Variants in PREX1 observed in about 807,000 individuals in gnomAD.
PREX1 encodes phosphatidylinositol 3,4,5-trisphosphate-dependent Rac exchanger 1 protein.
In PREX1, 41 loss-of-function variants were observed where a neutral mutation model predicts 198.3. The ratio of observed to expected loss-of-function variants is 0.21; its 90% CI spans 0.16 to 0.27. The LOEUF (loss-of-function observed/expected upper bound fraction) is 0.27, where lower values mean the gene tolerates loss of function less well. Ranked by LOEUF, PREX1 falls within the 10% of genes least tolerant of loss-of-function variation. The pLI is 1.00. For synonymous variants in PREX1, 843 were observed against 887.2 expected (o/e 0.95, Z 0.89); for missense variants, 1,620 against 2,200.7 (o/e 0.74, Z 5.28).
At chr20:48,744,596 C>T (rs2090099253) in intron 3 of PREX1, among the ~76,000 whole-genome samples, 1 of 152,200 alleles carries the variant, frequency 6.6e-6, no homozygotes, top group Admixed American at 6.5e-5. Context: ...ACCAACAGCC[C>T]AACGGGGCAC....
At chr20:48,688,581 G>A (rs771885037) in intron 10 of PREX1, 76 bp downstream of exon 10, 32 of 1,582,702 alleles carry the variant, frequency 2.0e-5, no homozygotes, top group Non-Finnish European at 2.7e-5. Flanking sequence ...CAGGCTGCAT[G>A]GGTGGATGGG....
chr20:48,846,796 G>A, the PREX1 span, among the ~76,000 whole-genome samples: 26,830 of 152,088 alleles, frequency 0.18, 2,469 homozygotes, highest in Admixed American at 0.19. Flanking sequence ...GGACCAGAGG[G>A]CCAGGAGAGA....
chr20:48,784,918 CTTT>C (rs11484382), intron 1 of PREX1, among the ~76,000 whole-genome samples: 1 of 147,082 alleles, frequency 6.8e-6, no homozygotes. Context: ...TTCTTTCTCT[CTTT>C]TTTTTTTTTG....
the PREX1 span, among the ~76,000 whole-genome samples, chr20:48,862,387 C>T: frequency 1.3e-5 from 2 of 152,102 alleles, no homozygotes; most frequent in Non-Finnish European, 2.9e-5. Flanking sequence ...TTACTGTGTG[C>T]CATGCCTTCT....
intron 5 of PREX1, among the ~76,000 whole-genome samples, chr20:48,718,476 G>A (rs556274605): frequency 7.9e-5 from 12 of 152,048 alleles, no homozygotes; most frequent in African/African-American, 1.2e-4. Flanking sequence ...ACGGAAAGAC[G>A]CAAAAGCATC....
In PREX1 at chr20:48,627,612, G is replaced by A; in HGVS notation, c.4873C>T (p.Pro1625Ser). 6.2e-7 allele frequency: 1 copy of A among 1,613,596 alleles called. No individual in the cohort carries two copies. The highest frequency in any genetic ancestry group is 8.5e-7 in the Non-Finnish European group (1 of 1,179,838). Residue 1625 changes from proline to serine, a missense_variant, in exon 39 of 40, where the codon CCA (proline) becomes TCA (serine). This residue lies in a region of PREX1 where 476 missense variants were observed against 603.4 expected (regional missense o/e 0.79). Coordinates refer to ENST00000371941, the MANE Select transcript of PREX1 (RefSeq NM_020820.4). ...QATDIMRKQG[P>S]RVEILAKNLR... Reference sequence around the variant, plus strand: ...TTTTTGGCCAGAATCTCCACCCTTGGGCCCTGGAAGAAGGAACCATCAGGC... The same window carrying A: ...TTTTTGGCCAGAATCTCCACCCTTGAGCCCTGGAAGAAGGAACCATCAGGC...
chr20:48,669,362 C>T (rs2089660419), intron 14 of PREX1, among the ~76,000 whole-genome samples: 1 of 152,224 alleles, frequency 6.6e-6, no homozygotes, highest in South Asian at 2.1e-4. Context: ...CACACACACT[C>T]AGTACCCTGC....
intron 33 of PREX1, among the ~76,000 whole-genome samples, chr20:48,633,279 G>C (rs1313760245): frequency 6.6e-6 from 1 of 152,216 alleles, no homozygotes; most frequent in Non-Finnish European, 1.5e-5. Context: ...TTCAGCAGGA[G>C]AGACACTGTC....
At chr20:48,649,652 AC>A in intron 24 of PREX1, 76 bp from the exon 25 acceptor site, 1 of 1,450,896 alleles carries the variant, frequency 6.9e-7, no homozygotes, top group East Asian at 2.5e-5. Context: ...AACAATACAA[AC>A]CCATTTCAAG....
the PREX1 span, among the ~76,000 whole-genome samples, chr20:48,837,482 T>C: frequency 1.3e-5 from 2 of 152,194 alleles, no homozygotes; most frequent in Non-Finnish European, 2.9e-5. Flanking sequence ...ATGAATACCA[T>C]GAAGCCATAA....
intron 1 of PREX1, among the ~76,000 whole-genome samples, chr20:48,766,385 C>T (rs919998182): frequency 6.6e-6 from 1 of 152,192 alleles, no homozygotes; most frequent in Non-Finnish European, 1.5e-5. Flanking sequence ...CACTGCCCTG[C>T]CCAGCCCATC....
intron 1 of PREX1, among the ~76,000 whole-genome samples, chr20:48,757,129 C>T (rs542031728): frequency 3.9e-5 from 6 of 152,250 alleles, no homozygotes; most frequent in Non-Finnish European, 5.9e-5. Context: ...ATATCAATTC[C>T]CCTCTAGAAT....
At chr20:48,628,648 A>C (rs2089290976) in intron 37 of PREX1, among the ~76,000 whole-genome samples, 1 of 152,180 alleles carries the variant, frequency 6.6e-6, no homozygotes, top group Non-Finnish European at 1.5e-5. Flanking sequence ...AGACATTGCC[A>C]AATGTTCCCC....
At chr20:48,864,176 T>G in the PREX1 span, among the ~76,000 whole-genome samples, 1 of 152,212 alleles carries the variant, frequency 6.6e-6, no homozygotes, top group Non-Finnish European at 1.5e-5. Flanking sequence ...TTTCGATCTT[T>G]CATTTCACAA....
At chr20:48,878,047 T>G in the PREX1 span, among the ~76,000 whole-genome samples, 1 of 152,142 alleles carries the variant, frequency 6.6e-6, no homozygotes, top group Non-Finnish European at 1.5e-5. Context: ...AAGCGGAGGT[T>G]GCAGTGAGCT....
rs879683850 is a variant in PREX1 at position 48,666,509 on chromosome 20, T to C, written c.1666-154A>G. Among the ~76,000 whole-genome samples, 1 of 150,536 alleles carries C rather than the reference T, an allele frequency of 6.6e-6. No homozygotes were observed. The highest frequency in any genetic ancestry group is 2.5e-5 in the African/African-American group (1 of 40,626). ...CTGCAGTAACCCCAAAACGGGTTTGTGATTATTATTTTTTATTATTATTAT... is the reference window on the plus strand; with the variant it reads ...CTGCAGTAACCCCAAAACGGGTTTGCGATTATTATTTTTTATTATTATTAT... On this transcript the variant is annotated intron_variant, in intron 14 of 39. Coordinates refer to ENST00000371941, the MANE Select transcript of PREX1 (RefSeq NM_020820.4). This position sits in a 1 kb window ranked among gnomAD's most constrained non-coding sequence, Gnocchi z 4.3.
intron 7 of PREX1, among the ~76,000 whole-genome samples, chr20:48,697,606 G>A (rs1435662879): frequency 2.0e-5 from 3 of 151,932 alleles, no homozygotes; most frequent in Admixed American, 6.6e-5. Flanking sequence ...GGATGGCCTC[G>A]ATCTTCTGAC....
chr20:48,687,133 T>G (rs2089789835), intron 10 of PREX1, among the ~76,000 whole-genome samples: 1 of 152,184 alleles, frequency 6.6e-6, no homozygotes, highest in African/African-American at 2.4e-5. Context: ...CCCTGCACAG[T>G]TCAGGCCGTC....
chr20:48,819,918 G>A (rs1326826464), intron 1 of PREX1, among the ~76,000 whole-genome samples: 1 of 152,194 alleles, frequency 6.6e-6, no homozygotes, highest in African/African-American at 2.4e-5. Context: ...CGCTCCTCCT[G>A]AGAGATGCAC....
Sources: gnomAD v4.1 joint callset for allele counts (sites outside exome capture counted in the v4.1 genomes callset) on GRCh38, gnomAD v4.1.1 for gene constraint, gnomAD v4.1.1 regional missense constraint, Gnocchi (gnomAD v3.1) non-coding constraint, MANE v1.5 for transcripts, NCBI Gene and HGNC (gene_info 2026-07-23, HGNC 2026-07-21) for gene names.